DDR2: variants seen among roughly 807,000 people sequenced by gnomAD.
The protein encoded by DDR2 is discoidin domain-containing receptor 2.
A neutral mutation model predicts 94.9 loss-of-function variants in DDR2; 27 were observed. That is an observed-to-expected ratio of 0.28 (90% CI 0.21 to 0.39). The LOEUF (loss-of-function observed/expected upper bound fraction) is 0.39, where lower values mean the gene tolerates loss of function less well. Ranked by LOEUF, DDR2 falls within the 10% of genes least tolerant of loss-of-function variation. The pLI is 1.00. For missense variants in DDR2, 783 were observed against 1,076.0 expected (o/e 0.73, Z 3.81); for synonymous variants, 382 against 377.2 (o/e 1.01, Z -0.15).
chr1:162,727,253 A>G (rs937615819), intron 3 of DDR2, among the ~76,000 whole-genome samples: 3 of 94,470 alleles, frequency 3.2e-5, no homozygotes, highest in Non-Finnish European at 4.9e-5. Flanking sequence ...ACATATATTT[A>G]TATTTTGTAA....
chr1:162,778,011 T>A (rs942190001), intron 16 of DDR2: 6 of 158,806 alleles, frequency 3.8e-5, no homozygotes, highest in Admixed American at 3.6e-4. Flanking sequence ...GAGACCCCAT[T>A]TCTCAAAGGA....
intron 1 of DDR2, among the ~76,000 whole-genome samples, chr1:162,636,616 A>G (rs562386378): frequency 4.6e-5 from 7 of 152,328 alleles, no homozygotes; most frequent in Non-Finnish European, 8.8e-5. Context: ...TCCCACCACC[A>G]TCATTTTCTA....
intron 7 of DDR2, among the ~76,000 whole-genome samples, chr1:162,757,302 A>G (rs1663509652): frequency 6.6e-6 from 1 of 152,256 alleles, no homozygotes; most frequent in South Asian, 2.1e-4. Flanking sequence ...AAGATATGGT[A>G]GAACAGATGA....
At chr1:162,642,263 AT>A (rs890516513) in intron 1 of DDR2, among the ~76,000 whole-genome samples, 2 of 150,366 alleles carry the variant, frequency 1.3e-5, no homozygotes, top group African/African-American at 2.5e-5. Flanking sequence ...GGCCTATTTT[AT>A]TTATTTATCT....
chr1:162,728,029 A>G (rs1195164142), intron 3 of DDR2, among the ~76,000 whole-genome samples: 1 of 139,954 alleles, frequency 7.1e-6, no homozygotes, highest in African/African-American at 2.7e-5. Context: ...ATCACACTAT[A>G]TATATCTATA....
intron 9 of DDR2, among the ~76,000 whole-genome samples, chr1:162,764,530 G>A (rs768284542): frequency 1.3e-5 from 2 of 152,106 alleles, no homozygotes; most frequent in Non-Finnish European, 2.9e-5. Flanking sequence ...AAAAGTCCAG[G>A]TGTAAAATAA....
chr1:162,772,656 C>G (rs1272129758), intron 13 of DDR2, among the ~76,000 whole-genome samples: 1 of 152,038 alleles, frequency 6.6e-6, no homozygotes, highest in Non-Finnish European at 1.5e-5. Flanking sequence ...GTAAAATGGT[C>G]AAAAACAACC....
intron 2 of DDR2, among the ~76,000 whole-genome samples, chr1:162,658,309 A>C (rs1477744704): frequency 6.6e-6 from 1 of 152,186 alleles, no homozygotes; most frequent in African/African-American, 2.4e-5. Flanking sequence ...TGACAGGAAC[A>C]CACCTGGAAA....
chr1:162,751,884 A>C (rs538266208), intron 3 of DDR2, among the ~76,000 whole-genome samples: 3 of 152,200 alleles, frequency 2.0e-5, no homozygotes, highest in African/African-American at 7.2e-5. Context: ...ATTTGAGCAA[A>C]CTATCGCAAG....
At chr1:162,757,116 G>C (rs1558068434) in intron 7 of DDR2, among the ~76,000 whole-genome samples, 1 of 152,156 alleles carries the variant, frequency 6.6e-6, no homozygotes, top group Non-Finnish European at 1.5e-5. Context: ...GTAAACTATA[G>C]TAGGAAAGCA....
In DDR2 at chr1:162,785,436, G is replaced by A. The variant is rs919407192; in HGVS notation, c.*5190G>A. 3 of 152,164 alleles carry A rather than the reference G, an allele frequency of 2.0e-5. No individual in the cohort carries two copies. The highest frequency in any genetic ancestry group is 7.2e-5 in the African/African-American group (3 of 41,424). 9.4% of individuals were successfully genotyped at this position (152,164 alleles called of 1,614,324 possible). A position where few individuals can be genotyped will look rare whatever the true frequency, so the allele number is the denominator to read the frequency against. On this transcript the variant is annotated 3_prime_UTR_variant, in exon 18 of 18. Transcript: ENST00000367921. ...TTTGCCTAAATAGCCGTTATTAAAT[G>A]GAATAACAACCACATTAGACCAAAT... is the stretch of plus-strand genomic sequence containing the variant.
chr1:162,758,156 C>T (rs1194274697), intron 7 of DDR2, among the ~76,000 whole-genome samples: 1 of 151,958 alleles, frequency 6.6e-6, no homozygotes, highest in Non-Finnish European at 1.5e-5. Context: ...AATTATGGCT[C>T]TTAACTCCAG....
intron 1 of DDR2, among the ~76,000 whole-genome samples, chr1:162,641,724 C>T (rs943187416): frequency 3.3e-5 from 5 of 152,038 alleles, no homozygotes; most frequent in African/African-American, 9.7e-5. Flanking sequence ...TTGGTTATGC[C>T]GTTAAGATCA....
intron 2 of DDR2, among the ~76,000 whole-genome samples, chr1:162,677,514 C>T (rs963887257): frequency 2.6e-5 from 4 of 152,138 alleles, no homozygotes; most frequent in African/African-American, 9.7e-5. Flanking sequence ...TTTTCATTGT[C>T]GTGGATAACC....
chr1:162,637,122 G>C (rs61810406), intron 1 of DDR2, among the ~76,000 whole-genome samples: 11,078 of 152,048 alleles, frequency 0.073, 429 homozygotes, highest in Admixed American at 0.094. Context: ...CCTAGTCTCT[G>C]CTGGACACTG....
At position 162,752,978 on chromosome 1, in the gene DDR2, AG is replaced by A. The variant is rs2102127296; in HGVS notation, c.83-115del. ...TCAAACTGGGGCCATAGAGGAATTT[AG>A]GAAGATGTAAATTCTCTTATTCCTT... On this transcript the variant is annotated intron_variant, in intron 3 of 17. Transcript: ENST00000367921. 3.4e-6 allele frequency: 3 copies of A among 870,692 alleles called. No homozygotes were observed. In the East Asian group the frequency reaches 8.6e-5, roughly 25 times the overall value. 53.9% of individuals were successfully genotyped at this position (870,692 alleles called of 1,614,324 possible). A position where few individuals can be genotyped will look rare whatever the true frequency, so the allele number is the denominator to read the frequency against.
At chr1:162,757,452 A>C (rs1663515608) in intron 7 of DDR2, among the ~76,000 whole-genome samples, 1 of 152,192 alleles carries the variant, frequency 6.6e-6, no homozygotes, top group Non-Finnish European at 1.5e-5. Flanking sequence ...GGGAGAAATC[A>C]ACAGTTTATT....
chr1:162,682,231 A>G (rs922964414), intron 2 of DDR2, among the ~76,000 whole-genome samples: 5 of 152,096 alleles, frequency 3.3e-5, no homozygotes, highest in Non-Finnish European at 4.4e-5. Context: ...TTAAGTATGC[A>G]TCTCCTTTTT....
chr1:162,718,500 A>G (rs1351389612), intron 2 of DDR2, among the ~76,000 whole-genome samples: 2 of 152,170 alleles, frequency 1.3e-5, no homozygotes. Flanking sequence ...GTTCATACTG[A>G]TGTCTCCAAA....
Sources: allele counts gnomAD v4.1 joint callset (sites outside exome capture counted in the v4.1 genomes callset), GRCh38; gene constraint gnomAD v4.1.1; transcripts MANE v1.5; gene names NCBI Gene and HGNC (gene_info 2026-07-23, HGNC 2026-07-21).